The following MYH3 variants were observed in gnomAD, a reference collection of about 807,000 sequenced individuals.
MYH3 encodes myosin-3.
In MYH3, 130 loss-of-function variants were observed where a neutral mutation model predicts 238.0. The observed-to-expected ratio is 0.55, with a 90% CI of 0.47 to 0.63. MYH3 has a LOEUF of 0.63. MYH3 is among the 30% of genes least tolerant of loss of function. The pLI is 0.00. For missense variants in MYH3, 1,853 were observed against 2,374.9 expected, an observed-to-expected ratio of 0.78 and a Z score of 4.57; for synonymous variants, 880 against 924.1, an observed-to-expected ratio of 0.95 and a Z score of 0.86.
the MYH3 span, among the ~76,000 whole-genome samples, chr17:10,668,703 A>G: frequency 6.6e-6 from 1 of 152,178 alleles, no homozygotes. Context: ...TTTAGACTGA[A>G]ATATTTGGAG....
chr17:10,664,728 C>T, the MYH3 span, among the ~76,000 whole-genome samples: 5 of 152,082 alleles, frequency 3.3e-5, no homozygotes, highest in Admixed American at 6.6e-5. Flanking sequence ...CGGCTACCGT[C>T]GCAGGCTGCA....
rs771412794 is a variant in MYH3 at position 10,642,639 on chromosome 17, G to T, written c.1666C>A (p.Gln556Lys). Reference protein sequence around the residue: ...DTSFKNKLYDQHLGKSNNFQK... With the variant: ...DTSFKNKLYDKHLGKSNNFQK... ...AAGTTGTTGGACTTTCCAAGATGCT[G>T]GTCATACAGCTTGTTCTTGAAGGAG... The change falls in exon 16 of 41, where the codon CAG (glutamine) becomes AAG (lysine). Residue 556 changes from glutamine (Q) to lysine (K), a missense_variant. By Grantham distance (53) the Gln-to-Lys change is moderately conservative (BLOSUM62 1). This residue lies in a region of MYH3 where 678 missense variants were observed against 1,058.9 expected (regional missense o/e 0.64). Transcript: ENST00000583535. This position sits in a 1 kb window ranked among gnomAD's most constrained non-coding sequence, Gnocchi z 5.4. 5.0e-6 allele frequency: 8 copies of T among 1,614,104 alleles called. No homozygotes were observed. In the African/African-American group the frequency reaches 1.1e-4, roughly 22 times the overall value.
rs1306108244 is a variant in MYH3, at chr17:10,645,977, C to G, written c.954G>C (p.Glu318Asp). The part of the protein sequence containing the change: ...PYDYPFISQG[E>D]ILVASIDDAE... ...CATCATCTATGCTGGCCACCAGGAT[C>G]TCCCCCTGGCTAATGAACGGGTAGT... Residue 318 changes from glutamate (E) to aspartate (D), a missense_variant, in exon 11 of 41, where the codon GAG becomes GAC. Coordinates refer to ENST00000583535, the MANE Select transcript of MYH3 (RefSeq NM_002470.4). The G allele has an allele frequency of 6.2e-7, 1 of 1,613,916 alleles. No individual in the cohort carries two copies. Among genetic ancestry groups the G allele is most frequent in the East Asian group, 2.2e-5 (1 of 44,866 alleles).
At position 10,651,569 on chromosome 17, in the gene MYH3, C is replaced by G; in HGVS notation, c.448G>C (p.Glu150Gln). The G allele has an allele frequency of 6.2e-7, 1 of 1,613,992 alleles. No individual in the cohort carries two copies. The highest frequency in any genetic ancestry group is 8.5e-7 in the Non-Finnish European group (1 of 1,179,930). Residue 150 changes from glutamate (E) to glutamine (Q), a missense_variant, in exon 5 of 41, where the codon GAG (glutamate) becomes CAG (glutamine). Physicochemically the swap from Glu to Gln is conservative, Grantham distance 29. This residue lies in a region of MYH3 where 678 missense variants were observed against 1,058.9 expected (regional missense o/e 0.64). Transcript: ENST00000583535. ...ATGGAGAAGATGTGGGGTGGGGCCTCCTGGCGCTTTTTGCCTCGGTAGCCT... is the reference window on the plus strand; with the variant it reads ...ATGGAGAAGATGTGGGGTGGGGCCTGCTGGCGCTTTTTGCCTCGGTAGCCT... ...VEGYRGKKRQ[E>Q]APPHIFSISD...
At chr17:10,629,460 G>T in intron 40 of MYH3, 137 bp downstream of exon 40, 1 of 1,124,560 alleles carries the variant, frequency 8.9e-7, no homozygotes, top group Non-Finnish European at 1.3e-6. Context: ...GGTCCAGTCA[G>T]CTAAGTGACT....
At chr17:10,651,747 GT>G (rs370073463) in intron 4 of MYH3, 79 bp from the exon 5 acceptor site, 10,526 of 728,182 alleles carry the variant, frequency 0.014, no homozygotes, top group East Asian at 0.057. Context: ...TATTATTATT[GT>G]TTTTTTTTTT....
intron 3 of MYH3, 46 bp from the exon 4 acceptor site, chr17:10,652,609 CTTTTTTTTTTT>C (rs149916956): frequency 6.5e-5 from 28 of 427,916 alleles, no homozygotes; most frequent in South Asian, 1.3e-4. Context: ...GTCTGCACGT[CTTTTTTTTTTT>C]TTTTTTTTTT....
chr17:10,652,519 G>T lies in MYH3; in HGVS notation c.249C>A (p.Pro83=), dbSNP rs139160750. ...KPEDVYAMNP[P]KFDRIEDMAM... ...CCATGTCTTCGATCCTGTCGAACTT[G>T]GGGGGGTTCATGGCGTACACATCCT... The change falls in exon 4 of 41, where the codon CCC becomes CCA. Residue 83 remains proline, a synonymous_variant. Coordinates refer to ENST00000583535, the MANE Select transcript of MYH3 (RefSeq NM_002470.4). The T allele has an allele frequency of 3.7e-6, 6 of 1,611,444 alleles. No homozygotes were observed. The highest frequency in any genetic ancestry group is 1.6e-4 in the Middle Eastern group (1 of 6,066).
the MYH3 span, among the ~76,000 whole-genome samples, chr17:10,666,538 T>G: frequency 7.0e-6 from 1 of 143,146 alleles, no homozygotes; most frequent in Non-Finnish European, 1.5e-5. Flanking sequence ...GCCCAGGAGT[T>G]CTGGACCAGC....
Position 10,645,716 on chromosome 17 carries a change from C to T in MYH3, c.1132G>A (p.Gly378Ser). The change falls in exon 12 of 41, where the codon GGC (glycine) becomes AGC (serine). Residue 378 changes from glycine (G) to serine (S), a missense_variant. By Grantham distance (56) the Gly-to-Ser change is moderately conservative. Transcript: ENST00000583535. ...CACACTGATTTTGTACCTTCTGTGC[C>T]ATCCGGCTCGGCCTGCTCCTCTCGC... ...KQREEQAEPD[G>S]TEVADKTAYL... 1 of 1,612,772 alleles carries T rather than the reference C, an allele frequency of 6.2e-7. No homozygotes were observed. Among genetic ancestry groups the T allele is most frequent in the Non-Finnish European group, 8.5e-7 (1 of 1,180,002 alleles).
chr17:10,641,961 G>A (rs2074277137), intron 17 of MYH3, among the ~76,000 whole-genome samples: 1 of 152,182 alleles, frequency 6.6e-6, no homozygotes, highest in Admixed American at 6.5e-5. Context: ...GGAGCGTGAG[G>A]TCTATTGCTG....
intron 36 of MYH3, 106 bp from the exon 37 acceptor site, chr17:10,630,564 G>A: frequency 1.3e-6 from 2 of 1,540,924 alleles, no homozygotes; most frequent in Non-Finnish European, 1.8e-6. Flanking sequence ...AAAGAAAAAG[G>A]ACAGGCCAGG....
At position 10,642,436 on chromosome 17, in the gene MYH3, G is replaced by T. The variant is rs146375270; in HGVS notation, c.1869C>A (p.Ala623=). 2 of 1,614,178 alleles carry T rather than the reference G, an allele frequency of 1.2e-6. No individual in the cohort carries two copies. Among genetic ancestry groups the T allele is most frequent in the Admixed American group, 3.3e-5 (2 of 60,030 alleles). The stretch of plus-strand genomic sequence containing the variant: ...TCTTACCATCCGCCGTGGCAAACGT[G>T]GCATAGAGGTGTGCCAGGAGCCTGT... The part of the protein sequence containing the change: ...SSNRLLAHLY[A]TFATADADSG... Residue 623 remains alanine, a synonymous_variant, in exon 16 of 41, where the codon GCC becomes GCA. Transcript: ENST00000583535. The surrounding 1 kb of genome is among the most constrained non-coding windows in gnomAD (Gnocchi z 5.4).
the MYH3 span, chr17:10,673,002 T>G: frequency 9.2e-6 from 1 of 108,156 alleles, no homozygotes. Flanking sequence ...ATTTTTCTTT[T>G]TTTTCTTTTT....
At chr17:10,643,276 A>G (rs990166604) in intron 14 of MYH3, among the ~76,000 whole-genome samples, 1 of 151,468 alleles carries the variant, frequency 6.6e-6, no homozygotes, top group African/African-American at 2.4e-5. Context: ...ATAGACTTCT[A>G]TTTCTTCTCT....
At position 10,642,846 on chromosome 17, in the gene MYH3, A is replaced by G; in HGVS notation, c.1561T>C (p.Cys521Arg). Reference sequence around the variant, plus strand: ...GATACCTTCTCGATGAGCTCGATGCAGGCAGCCAGGTCCATCCCGAAGTCA... The same window carrying G: ...GATACCTTCTCGATGAGCTCGATGCGGGCAGCCAGGTCCATCCCGAAGTCA... ...FIDFGMDLAA[C>R]IELIEKPMGI... Residue 521 changes from cysteine (C) to arginine (R), a missense_variant, in exon 15 of 41, where the codon TGC becomes CGC. Physicochemically the swap from Cys to Arg is radical, Grantham distance 180 (BLOSUM62 -3). Around this residue, in one of 3 missense-constraint regions of MYH3, gnomAD observed 678 missense variants for 1,058.9 expected, o/e 0.64. Coordinates refer to ENST00000583535, the MANE Select transcript of MYH3 (RefSeq NM_002470.4). This position sits in a 1 kb window ranked among gnomAD's most constrained non-coding sequence, Gnocchi z 5.4. 1 of 1,614,148 alleles carries G rather than the reference A, an allele frequency of 6.2e-7. No homozygotes were observed. Among genetic ancestry groups the G allele is most frequent in the Non-Finnish European group, 8.5e-7 (1 of 1,180,002 alleles).
intron 4 of MYH3, 151 bp downstream of exon 4, chr17:10,652,269 G>T: frequency 2.0e-6 from 2 of 1,001,082 alleles, no homozygotes; most frequent in Non-Finnish European, 3.1e-6. Context: ...TTGCTTTCTT[G>T]CCTTCTTTCT....
the MYH3 span, among the ~76,000 whole-genome samples, chr17:10,669,436 C>G: frequency 6.6e-6 from 1 of 151,842 alleles, no homozygotes; most frequent in Non-Finnish European, 1.5e-5. Context: ...GCCTGTAATC[C>G]CAGCTACTCA....
chr17:10,639,271 G>T (rs1208138350), intron 24 of MYH3, 27 bp downstream of exon 24: 4 of 1,613,824 alleles, frequency 2.5e-6, no homozygotes, highest in Non-Finnish European at 3.4e-6. Context: ...GGAGTTCTGG[G>T]ACTCCCGATG....
Sources: allele counts gnomAD v4.1 joint callset (sites outside exome capture counted in the v4.1 genomes callset), GRCh38; gene constraint gnomAD v4.1.1; regional missense constraint gnomAD v4.1.1; non-coding constraint Gnocchi (gnomAD v3.1); transcripts MANE v1.5; gene names NCBI Gene and HGNC (gene_info 2026-07-23, HGNC 2026-07-21).